The following GRIA4 variants were observed in gnomAD, a reference collection of about 807,000 sequenced individuals.
The protein encoded by GRIA4 is glutamate receptor 4.
A neutral mutation model predicts 104.0 loss-of-function variants in GRIA4; 34 were observed. The ratio of observed to expected loss-of-function variants is 0.33; its 90% CI spans 0.25 to 0.44. The LOEUF (loss-of-function observed/expected upper bound fraction) is 0.44. Ranked by LOEUF, GRIA4 falls within the 20% of genes least tolerant of loss-of-function variation. GRIA4 has a pLI of 1.00. For synonymous variants in GRIA4, 386 were observed against 381.9 expected (o/e 1.01, Z -0.13); for missense variants, 750 against 1,096.5 (o/e 0.68, Z 4.46).
chr11:105,727,495 A>G (rs1938289478), intron 3 of GRIA4, among the ~76,000 whole-genome samples: 1 of 152,094 alleles, frequency 6.6e-6, no homozygotes, highest in Non-Finnish European at 1.5e-5. Flanking sequence ...ATAGCAAGAC[A>G]GGCCAACATT....
chr11:105,759,472 A>T (rs1940495385), intron 4 of GRIA4, among the ~76,000 whole-genome samples: 1 of 152,108 alleles, frequency 6.6e-6, no homozygotes, highest in Non-Finnish European at 1.5e-5. Context: ...AACTTCTTCA[A>T]TACAAACTAC....
intron 4 of GRIA4, among the ~76,000 whole-genome samples, chr11:105,782,342 A>G (rs988940317): frequency 7.2e-5 from 11 of 152,218 alleles, no homozygotes; most frequent in Non-Finnish European, 1.5e-4. Context: ...AATTTTCAAA[A>G]GTTTTCATAC....
chr11:105,903,687 A>T lies in GRIA4; in HGVS notation c.886-127A>T, dbSNP rs1946944296. 3 of 628,212 alleles carry T rather than the reference A, an allele frequency of 4.8e-6. No homozygotes were observed. In the South Asian group the frequency reaches 6.3e-5, roughly 13 times the overall value. The allele number at this position is 628,212 out of a possible 1,614,324, so 38.9% of individuals were successfully genotyped here. Reference sequence around the variant, plus strand: ...TTTCTGAAGCTAGAGTCAATTAATTATCAGTAATTTAACCATCCTTCAGAC... The same window carrying T: ...TTTCTGAAGCTAGAGTCAATTAATTTTCAGTAATTTAACCATCCTTCAGAC... On this transcript the variant is annotated intron_variant, in intron 7 of 16. Transcript: ENST00000282499.
intron 4 of GRIA4, among the ~76,000 whole-genome samples, chr11:105,829,107 A>ACACACACACACACACACACAC (rs71041630): frequency 6.6e-6 from 1 of 151,946 alleles, no homozygotes; most frequent in African/African-American, 2.4e-5. Context: ...ACACACACAC[A>ACACACACACACACACACACAC]AATAGACTGA....
At chr11:105,708,309 A>T (rs1189693279) in intron 3 of GRIA4, among the ~76,000 whole-genome samples, 1 of 152,142 alleles carries the variant, frequency 6.6e-6, no homozygotes, top group Non-Finnish European at 1.5e-5. Context: ...TGTTATCAAC[A>T]TAGGGTGGCT....
At chr11:105,635,660 G>A (rs1252179564) in intron 3 of GRIA4, among the ~76,000 whole-genome samples, 1 of 152,198 alleles carries the variant, frequency 6.6e-6, no homozygotes, top group African/African-American at 2.4e-5. Flanking sequence ...TGTGGCCTCA[G>A]TCCATGCGGA....
In GRIA4 at chr11:105,770,869, A is replaced by G. The variant is rs138366510; in HGVS notation, c.487+17649A>G. 2.4e-3 allele frequency among the ~76,000 whole-genome samples: 365 copies of G among 152,182 alleles called. 2 individuals are homozygous for G. Among genetic ancestry groups the G allele is most frequent in the Middle Eastern group, 0.014 (4 of 294 alleles). ...CTAAAAACATCAAAATGCTCTGAAC[A>G]TTCGTCCATCCATTCCCTCCTATGT... On this transcript the variant is annotated intron_variant, in intron 4 of 16. Coordinates refer to ENST00000282499, the MANE Select transcript of GRIA4 (RefSeq NM_000829.4).
intron 3 of GRIA4, among the ~76,000 whole-genome samples, chr11:105,728,935 T>C (rs758812970): frequency 1.7e-4 from 26 of 151,904 alleles, no homozygotes; most frequent in Non-Finnish European, 2.9e-4. Context: ...AACATCACAA[T>C]TAGAAGAACT....
chr11:105,856,956 C>T (rs1309075553), intron 4 of GRIA4, among the ~76,000 whole-genome samples: 5 of 152,102 alleles, frequency 3.3e-5, no homozygotes, highest in African/African-American at 4.8e-5. Context: ...CTTGGGTTTA[C>T]GTGAATAGCT....
intron 3 of GRIA4, among the ~76,000 whole-genome samples, chr11:105,723,809 C>A (rs989456482): frequency 2.6e-5 from 4 of 152,002 alleles, no homozygotes; most frequent in Admixed American, 1.3e-4. Context: ...TAAAACTTGA[C>A]CTCTGAATTT....
intron 5 of GRIA4, among the ~76,000 whole-genome samples, chr11:105,877,807 T>G (rs527480298): frequency 1.3e-5 from 2 of 152,336 alleles, no homozygotes; most frequent in Non-Finnish European, 2.9e-5. Context: ...TAGCAATTCC[T>G]CTAACCTTTT....
At chr11:105,736,318 T>C (rs1938941918) in intron 3 of GRIA4, among the ~76,000 whole-genome samples, 1 of 152,072 alleles carries the variant, frequency 6.6e-6, no homozygotes, top group Admixed American at 6.6e-5. Context: ...TCATTTAGAG[T>C]AAATTAATGG....
At position 105,755,016 on chromosome 11, in the gene GRIA4, C is replaced by A. The variant is rs566952834; in HGVS notation, c.487+1796C>A. ...TCTTGTTAGCATTTTTTTTACAAAA[C>A]TATATTCTACATATTGCATAACATA... On this transcript the variant is annotated intron_variant, in intron 4 of 16. Transcript: ENST00000282499. Among the ~76,000 whole-genome samples the A allele has an allele frequency of 1.6e-4, 24 of 152,128 alleles. No homozygotes were observed. In the East Asian group the frequency reaches 4.2e-3, roughly 27 times the overall value.
chr11:105,948,584 C>CTTTTT (rs1948376142), intron 14 of GRIA4, among the ~76,000 whole-genome samples: 1 of 123,398 alleles, frequency 8.1e-6, no homozygotes. Context: ...CTTTTCTTTT[C>CTTTTT]TTTTCTTTTT....
intron 5 of GRIA4, among the ~76,000 whole-genome samples, chr11:105,865,689 G>T (rs1361020432): frequency 6.6e-6 from 1 of 152,042 alleles, no homozygotes; most frequent in Non-Finnish European, 1.5e-5. Flanking sequence ...TTTAAATTCT[G>T]AACTCTATTA....
intron 3 of GRIA4, among the ~76,000 whole-genome samples, chr11:105,739,094 G>A (rs1939149162): frequency 6.6e-6 from 1 of 152,058 alleles, no homozygotes; most frequent in South Asian, 2.1e-4. Flanking sequence ...ATAAAAGAGT[G>A]ATGTGATCTT....
At chr11:105,611,271 C>T (rs1366785432) in intron 2 of GRIA4, among the ~76,000 whole-genome samples, 186 bp downstream of exon 2, 1 of 152,084 alleles carries the variant, frequency 6.6e-6, no homozygotes, top group Non-Finnish European at 1.5e-5. Flanking sequence ...CGTTGGAATA[C>T]ACCCAGGGCA....
intron 4 of GRIA4, among the ~76,000 whole-genome samples, chr11:105,813,668 C>A (rs1943263242): frequency 6.6e-6 from 1 of 152,070 alleles, no homozygotes; most frequent in Non-Finnish European, 1.5e-5. Context: ...AACATTTGGA[C>A]AATTTACCAA....
In GRIA4 at chr11:105,634,472, A is replaced by AGAAC. The variant is rs1222954771; in HGVS notation, c.247+22041_247+22042insCGAA. Among the ~76,000 whole-genome samples the AGAAC allele has an allele frequency of 8.2e-4, 39 of 47,618 alleles. 1 individual carries two copies. 31.2% of individuals were successfully genotyped at this position (47,618 alleles called of 152,430 possible). A position where few individuals can be genotyped will look rare whatever the true frequency, so the allele number is the denominator to read the frequency against. On this transcript the variant is annotated intron_variant, in intron 3 of 16. Transcript: ENST00000282499. ...AGGAGAAAGAAAGAAAGAAAGGGAA[A>AGAAC]GAAAGAAAGAAAGAAAGAAAGAAAG...
Sources: allele counts gnomAD v4.1 joint callset (sites outside exome capture counted in the v4.1 genomes callset), GRCh38; gene constraint gnomAD v4.1.1; transcripts MANE v1.5; gene names NCBI Gene and HGNC (gene_info 2026-07-23, HGNC 2026-07-21).